Variants in POLN observed in about 807,000 individuals in gnomAD.
POLN encodes the protein DNA polymerase N.
In POLN, 108 loss-of-function variants were observed where a neutral mutation model predicts 113.5. The observed-to-expected ratio is 0.95, with a 90% CI of 0.81 to 1.12. The LOEUF is 1.12. POLN is among the 50% of genes most tolerant of loss of function. POLN has a pLI of 0.00. For missense variants in POLN, 1,097 were observed against 1,077.1 expected (o/e 1.02, Z -0.26); for synonymous variants, 386 against 391.5 (o/e 0.99, Z 0.17).
intron 3 of POLN, among the ~76,000 whole-genome samples, chr4:2,224,729 T>A (rs1482989649): frequency 2.5e-4 from 38 of 152,106 alleles, no homozygotes; most frequent in Admixed American, 2.5e-3. Context: ...GGTGGGAGGA[T>A]CACCTGAGGT....
In POLN at chr4:2,095,915, T is replaced by C; in HGVS notation, c.2001A>G (p.Glu667=). The change falls in exon 20 of 26, where the codon GAA becomes GAG. Residue 667 remains glutamate (E), a synonymous_variant. Transcript: ENST00000511885. ...GCTCTCTGTCTGCGTGTGTCACCTG[T>C]TCCACGGGCACATCCTTCCTGCATG... is the stretch of plus-strand genomic sequence containing the variant. ...LTSQWKDVPV[E]QVTHADREQT... is the part of the protein sequence containing the mutation. The C allele has an allele frequency of 6.2e-7, 1 of 1,614,154 alleles. No homozygotes were observed. The highest frequency in any genetic ancestry group is 1.1e-5 in the South Asian group (1 of 91,080).
chr4:2,156,643 G>C, intron 16 of POLN, 145 bp downstream of exon 16: 1 of 709,960 alleles, frequency 1.4e-6, no homozygotes, highest in Admixed American at 2.3e-5. Flanking sequence ...TATGTTCTCA[G>C]AATAAACAGA....
In POLN at chr4:2,226,315, T is replaced by C. The variant is rs11931809; in HGVS notation, c.133+2784A>G. ...AACAAGACTGAGCCATGTAGTGTAA[T>C]TGTGTGCCTCAGAAAACAAGGATGG... On this transcript the variant is annotated intron_variant, in intron 3 of 25. Transcript: ENST00000511885. Among the ~76,000 whole-genome samples the C allele has an allele frequency of 9.1e-3, 1,392 of 152,308 alleles. 26 individuals are homozygous for C. The highest frequency in any genetic ancestry group is 0.032 in the African/African-American group (1,329 of 41,576).
intron 20 of POLN, among the ~76,000 whole-genome samples, chr4:2,086,371 T>C (rs1032722045): frequency 1.3e-5 from 2 of 152,196 alleles, no homozygotes; most frequent in Non-Finnish European, 2.9e-5. Context: ...TCCGCAAGCA[T>C]GTGAGCAGGT....
chr4:2,239,853 C>CA (rs1734906426), intron 2 of POLN, among the ~76,000 whole-genome samples: 2 of 152,180 alleles, frequency 1.3e-5, no homozygotes, highest in Admixed American at 6.5e-5. Context: ...TATTGCTGCC[C>CA]TCCATTAACG....
intron 23 of POLN, chr4:2,080,186 A>C (rs1730371508): frequency 1.0e-6 from 1 of 986,678 alleles, no homozygotes; most frequent in Non-Finnish European, 1.2e-6. Flanking sequence ...GAACGAGGAG[A>C]GGAGGTGTCT....
intron 16 of POLN, among the ~76,000 whole-genome samples, chr4:2,131,493 T>C (rs774817024): frequency 6.6e-6 from 1 of 152,226 alleles, no homozygotes; most frequent in South Asian, 2.1e-4. Flanking sequence ...CTTAGCAGAT[T>C]TGAGAACAAT....
chr4:2,073,112 C>T lies in POLN; in HGVS notation c.2456-83G>A, dbSNP rs34774217. 10,839 of 1,370,578 alleles carry T rather than the reference C, an allele frequency of 7.9e-3. 60 individuals are homozygous for T. The highest frequency in any genetic ancestry group is 9.7e-3 in the Admixed American group (563 of 58,250). 84.9% of individuals were successfully genotyped at this position (1,370,578 alleles called of 1,614,324 possible). A position where few individuals can be genotyped will look rare whatever the true frequency, so the allele number is the denominator to read the frequency against. The stretch of plus-strand genomic sequence containing the variant: ...CCGAAGATAAGAGAACTTTCAGGCC[C>T]GAGTCCTGCCCCGGCCCCTGAGCCC... On this transcript the variant is annotated intron_variant, in intron 24 of 25. Transcript: ENST00000511885.
chr4:2,097,444 G>A (rs1577690103), intron 19 of POLN, among the ~76,000 whole-genome samples: 1 of 151,572 alleles, frequency 6.6e-6, no homozygotes, highest in Non-Finnish European at 1.5e-5. Context: ...TCTGCCTTTT[G>A]GGGTCAAGTG....
Position 2,075,880 on chromosome 4 carries a change from G to A in POLN, c.2388-361C>T, listed in dbSNP as rs35726171. Among the ~76,000 whole-genome samples, 1,006 of 152,242 alleles carry A rather than the reference G, an allele frequency of 6.6e-3. 18 individuals carry two copies. The highest frequency in any genetic ancestry group is 0.023 in the African/African-American group (936 of 41,538). On this transcript the variant is annotated intron_variant, in intron 23 of 25. Coordinates refer to ENST00000511885, the MANE Select transcript of POLN (RefSeq NM_181808.4). Reference sequence around the variant, plus strand: ...AGGAGGGGCTGGGTGCCCCGTGTCCGCCCCACCCAGGTTGGTCCCGTCTGA... The same window carrying A: ...AGGAGGGGCTGGGTGCCCCGTGTCCACCCCACCCAGGTTGGTCCCGTCTGA...
At chr4:2,203,923 A>G (rs1271198374) in intron 5 of POLN, among the ~76,000 whole-genome samples, 1 of 151,996 alleles carries the variant, frequency 6.6e-6, no homozygotes, top group Non-Finnish European at 1.5e-5. Flanking sequence ...CAGTCTGACC[A>G]ATATGGTGAA....
intron 20 of POLN, among the ~76,000 whole-genome samples, chr4:2,092,317 C>G (rs927039524): frequency 6.6e-6 from 1 of 152,210 alleles, no homozygotes; most frequent in Non-Finnish European, 1.5e-5. Flanking sequence ...ACTCTAGGAG[C>G]CATAAACACT....
intron 24 of POLN, 44 bp from the exon 25 acceptor site, chr4:2,073,073 TTGGGGCC>T: frequency 6.3e-7 from 1 of 1,595,108 alleles, no homozygotes; most frequent in Middle Eastern, 1.7e-4. Flanking sequence ...TCTCTTGGCC[TTGGGGCC>T]TGGGAGCCGA....
chr4:2,178,216 T>G (rs12651026), intron 8 of POLN, among the ~76,000 whole-genome samples: 4 of 151,184 alleles, frequency 2.6e-5, no homozygotes, highest in Non-Finnish European at 5.9e-5. Context: ...GCATGGGCTC[T>G]CATCACCTCT....
At chr4:2,231,655 T>C (rs970484482) in intron 2 of POLN, 1 of 215,452 alleles carries the variant, frequency 4.6e-6, no homozygotes, top group Non-Finnish European at 9.1e-6. Flanking sequence ...GATAACTATA[T>C]TAAAAAATAT....
intron 13 of POLN, among the ~76,000 whole-genome samples, chr4:2,161,977 AG>A (rs752145187): frequency 1.3e-5 from 2 of 152,142 alleles, no homozygotes; most frequent in Non-Finnish European, 2.9e-5. Flanking sequence ...CTTTGTGTCT[AG>A]CTCAGGGATT....
chr4:2,197,825 T>C (rs1452977933), intron 6 of POLN, among the ~76,000 whole-genome samples: 1 of 152,208 alleles, frequency 6.6e-6, no homozygotes. Context: ...CGGAGCTGCC[T>C]TGATTGCCTC....
intron 19 of POLN, among the ~76,000 whole-genome samples, chr4:2,111,645 T>C (rs2108711983): frequency 6.6e-6 from 1 of 152,242 alleles, no homozygotes; most frequent in South Asian, 2.1e-4. Flanking sequence ...TCACAATTGC[T>C]TCAAAGAGAA....
chr4:2,102,835 CAG>C (rs1271379174), intron 19 of POLN, among the ~76,000 whole-genome samples: 10 of 152,192 alleles, frequency 6.6e-5, no homozygotes, highest in Non-Finnish European at 1.0e-4. Context: ...AGAAATCATA[CAG>C]AGTCTTCACT....
Sources: gnomAD v4.1 joint callset for allele counts (sites outside exome capture counted in the v4.1 genomes callset) on GRCh38, gnomAD v4.1.1 for gene constraint, MANE v1.5 for transcripts, NCBI Gene and HGNC (gene_info 2026-07-23, HGNC 2026-07-21) for gene names.